Variants in SYN3 observed in about 807,000 individuals in gnomAD.
SYN3 encodes synapsin III, also known as synapsin-3.
In SYN3, 35 loss-of-function variants were observed where a neutral mutation model predicts 65.8. That is an observed-to-expected ratio of 0.53 (90% CI 0.41 to 0.70). SYN3 has a LOEUF of 0.70. Ranked by LOEUF, SYN3 falls within the 30% of genes least tolerant of loss-of-function variation. SYN3 has a pLI of 0.00. For missense variants in SYN3, 680 were observed against 749.0 expected (o/e 0.91, Z 1.08); for synonymous variants, 270 against 292.9 (o/e 0.92, Z 0.80).
chr22:32,908,976 A>T (rs143361760), intron 4 of SYN3, among the ~76,000 whole-genome samples: 38 of 152,332 alleles, frequency 2.5e-4, no homozygotes, highest in African/African-American at 8.9e-4. Context: ...ATTCCCAAGT[A>T]AGGACCATCT....
At chr22:32,762,889 G>T (rs1010192258) in intron 6 of SYN3, among the ~76,000 whole-genome samples, 1 of 152,092 alleles carries the variant, frequency 6.6e-6, no homozygotes, top group Admixed American at 6.6e-5. Flanking sequence ...AGCTTGGTAA[G>T]CCAGAAAGCA....
Position 32,512,200 on chromosome 22 carries a change from A to C in SYN3, c.*1492T>G, listed in dbSNP as rs1437729018. ...TGGATGGATCTTGGCTGATTACCAA[A>C]CAATCTACATTGCTTGGGCATAACT... On this transcript the variant is annotated 3_prime_UTR_variant, in exon 14 of 14. Transcript: ENST00000358763. Among the ~76,000 whole-genome samples, 1 of 152,224 alleles carries C rather than the reference A, an allele frequency of 6.6e-6. No homozygotes were observed. The highest frequency in any genetic ancestry group is 1.5e-5 in the Non-Finnish European group (1 of 68,050).
intron 6 of SYN3, among the ~76,000 whole-genome samples, chr22:32,720,281 T>C (rs1358993827): frequency 2.6e-5 from 4 of 152,248 alleles, no homozygotes; most frequent in Non-Finnish European, 4.4e-5. Context: ...GATTGCTCTG[T>C]TGCGTCTAAG....
intron 6 of SYN3, among the ~76,000 whole-genome samples, chr22:32,833,112 C>A (rs2047625977): frequency 6.6e-6 from 1 of 152,138 alleles, no homozygotes; most frequent in Non-Finnish European, 1.5e-5. Context: ...GTCCTACCAG[C>A]AGTAAAAAGA....
intron 12 of SYN3, among the ~76,000 whole-genome samples, chr22:32,523,250 T>C (rs973207053): frequency 2.5e-4 from 38 of 152,336 alleles, no homozygotes; most frequent in Middle Eastern, 3.4e-3. Context: ...TGGTGGCTCA[T>C]GCCTGTAATC....
At chr22:32,528,775 T>G in intron 11 of SYN3, 99 bp downstream of exon 11, 1 of 1,529,470 alleles carries the variant, frequency 6.5e-7, no homozygotes, top group East Asian at 2.3e-5. Flanking sequence ...AGGTGGTTTC[T>G]TCCTGGGGGT....
At chr22:32,734,537 C>T (rs1358115057) in intron 6 of SYN3, among the ~76,000 whole-genome samples, 1 of 77,268 alleles carries the variant, frequency 1.3e-5, no homozygotes, top group South Asian at 4.7e-4. Flanking sequence ...AGACAGACAT[C>T]GCCCTGGGAG....
intron 6 of SYN3, chr22:32,833,778 T>C (rs942211863): frequency 2.0e-6 from 1 of 498,874 alleles, no homozygotes; most frequent in South Asian, 1.4e-5. Context: ...GATGGGCTAA[T>C]GACAACACTT....
At chr22:32,659,136 G>A (rs2060182265) in intron 6 of SYN3, among the ~76,000 whole-genome samples, 3 of 152,230 alleles carry the variant, frequency 2.0e-5, no homozygotes, top group South Asian at 4.1e-4. Context: ...TGTAACCAAG[G>A]TGAGTAAGGG....
chr22:32,507,932 G>A lies in SYN3; in HGVS notation c.*5760C>T, dbSNP rs376364249. Among the ~76,000 whole-genome samples the A allele has an allele frequency of 3.3e-5, 5 of 151,468 alleles. No individual in the cohort carries two copies. Among genetic ancestry groups the A allele is most frequent in the African/African-American group, 9.7e-5 (4 of 41,074 alleles). ...AATCTCTCCCACTCTAGGTTCCCACGCCGCCCCTAATCCCACTCGAAGCAG... is the reference window on the plus strand; with the variant it reads ...AATCTCTCCCACTCTAGGTTCCCACACCGCCCCTAATCCCACTCGAAGCAG... On this transcript the variant is annotated 3_prime_UTR_variant, in exon 14 of 14. Transcript: ENST00000358763.
chr22:32,908,165 A>C (rs1254710493), intron 4 of SYN3, among the ~76,000 whole-genome samples: 2 of 151,470 alleles, frequency 1.3e-5, no homozygotes, highest in Non-Finnish European at 2.9e-5. Context: ...GGCTCACTGC[A>C]ACCTCCGCCT....
chr22:32,595,762 G>A (rs972611164), intron 7 of SYN3, among the ~76,000 whole-genome samples: 8 of 152,120 alleles, frequency 5.3e-5, no homozygotes, highest in African/African-American at 1.4e-4. Flanking sequence ...GAGTTCTCAC[G>A]AGATCTGGTT....
intron 6 of SYN3, among the ~76,000 whole-genome samples, chr22:32,752,518 A>G (rs1201248470): frequency 4.6e-5 from 7 of 152,206 alleles, no homozygotes; most frequent in South Asian, 2.1e-4. Flanking sequence ...ATTAAATCAC[A>G]AAAACTATAA....
intron 1 of SYN3, among the ~76,000 whole-genome samples, chr22:33,046,656 C>T (rs2054070304): frequency 6.6e-6 from 1 of 151,992 alleles, no homozygotes; most frequent in Non-Finnish European, 1.5e-5. Flanking sequence ...GCCTGGCCAA[C>T]ATGGTAAAAC....
chr22:32,530,395 G>T (rs189343583), intron 10 of SYN3, among the ~76,000 whole-genome samples: 32 of 152,242 alleles, frequency 2.1e-4, no homozygotes, highest in Admixed American at 2.0e-3. Context: ...CAAAGAAGTG[G>T]CAAGGTCAAG....
chr22:32,695,075 G>C (rs2060717287), intron 6 of SYN3, among the ~76,000 whole-genome samples: 1 of 152,162 alleles, frequency 6.6e-6, no homozygotes, highest in Non-Finnish European at 1.5e-5. Context: ...TAATTCTGTA[G>C]AGGCATTTCT....
intron 4 of SYN3, among the ~76,000 whole-genome samples, chr22:32,887,489 G>A (rs959868679): frequency 5.9e-5 from 9 of 152,112 alleles, no homozygotes; most frequent in Non-Finnish European, 1.2e-4. Context: ...CAACCCAAGC[G>A]AGCTTGGAAG....
intron 6 of SYN3, among the ~76,000 whole-genome samples, chr22:32,711,632 A>G (rs570526824): frequency 6.6e-6 from 1 of 152,262 alleles, no homozygotes; most frequent in South Asian, 2.1e-4. Flanking sequence ...ATAACTGCCT[A>G]TGCCTCTTCC....
At chr22:32,742,693 C>G (rs188318284) in intron 6 of SYN3, among the ~76,000 whole-genome samples, 12 of 152,286 alleles carry the variant, frequency 7.9e-5, no homozygotes, top group Admixed American at 7.8e-4. Context: ...GTCCAAAGCC[C>G]ATATTCTTTC....
Sources: allele counts gnomAD v4.1 joint callset (sites outside exome capture counted in the v4.1 genomes callset), GRCh38; gene constraint gnomAD v4.1.1; transcripts MANE v1.5; gene names NCBI Gene and HGNC (gene_info 2026-07-23, HGNC 2026-07-21).